The following DLGAP2 variants were observed in gnomAD, a reference collection of about 807,000 sequenced individuals.
The protein encoded by DLGAP2 is DLG associated protein 2, also known as disks large-associated protein 2.
In DLGAP2, 26 loss-of-function variants were observed where a neutral mutation model predicts 100.3. That is an observed-to-expected ratio of 0.26 (90% CI 0.19 to 0.36). The LOEUF (loss-of-function observed/expected upper bound fraction) is 0.36. Among genes scored for constraint, DLGAP2 ranks in the 10% least tolerant of loss-of-function variants. The pLI, the probability that DLGAP2 is intolerant of heterozygous loss-of-function variation, is 1.00. For missense variants in DLGAP2, 1,858 were observed against 1,453.2 expected (o/e 1.28, Z -4.53); for synonymous variants, 886 against 630.1 (o/e 1.41, Z -6.08).
At chr8:890,499 C>T (rs1036281219) in intron 1 of DLGAP2, among the ~76,000 whole-genome samples, 1 of 151,938 alleles carries the variant, frequency 6.6e-6, no homozygotes, top group Non-Finnish European at 1.5e-5. Context: ...CGTTCTTATT[C>T]CTCTGCTCCG....
rs566397557 is a variant in DLGAP2, at chr8:1,271,022, G to A, written c.106+12139G>A. ...TTTTAAATTTCAGAATTGTAATGAC[G>A]GATGACCCATTTCCTAATATTGCAA... On this transcript the variant is annotated intron_variant, in intron 3 of 14. Transcript: ENST00000637795. Among the ~76,000 whole-genome samples the A allele has an allele frequency of 7.2e-5, 11 of 152,174 alleles. No homozygotes were observed. The East Asian group carries it at 9.6e-4, about 13-fold the overall frequency.
intron 1 of DLGAP2, among the ~76,000 whole-genome samples, chr8:822,925 C>A (rs1769246154): frequency 6.6e-6 from 1 of 152,176 alleles, no homozygotes; most frequent in South Asian, 2.1e-4. Context: ...AGTTTACCTG[C>A]CCCAGTGCCA....
intron 2 of DLGAP2, among the ~76,000 whole-genome samples, chr8:1,107,174 G>A (rs1015303299): frequency 2.0e-5 from 3 of 152,214 alleles, no homozygotes; most frequent in African/African-American, 4.8e-5. Context: ...AGTGGAGAGA[G>A]CAGAGGCTTT....
At chr8:1,333,349 T>TG (rs771351110) in intron 3 of DLGAP2, among the ~76,000 whole-genome samples, 40 of 152,200 alleles carry the variant, frequency 2.6e-4, no homozygotes, top group Admixed American at 3.3e-4. Flanking sequence ...CTCCCTTCCC[T>TG]GGGGAGGAGG....
At chr8:1,362,460 T>C (rs1020276852) in intron 3 of DLGAP2, among the ~76,000 whole-genome samples, 2 of 152,182 alleles carry the variant, frequency 1.3e-5, no homozygotes, top group African/African-American at 4.8e-5. Context: ...GCGTGGTCCA[T>C]GTGCAGCCTC....
chr8:1,030,400 G>C (rs577492976), intron 2 of DLGAP2, among the ~76,000 whole-genome samples: 1 of 152,302 alleles, frequency 6.6e-6, no homozygotes, highest in South Asian at 2.1e-4. Flanking sequence ...CCAAGGCTTT[G>C]AAGCTCCAAG....
At chr8:1,308,792 T>G (rs1162720415) in intron 3 of DLGAP2, among the ~76,000 whole-genome samples, 1 of 152,248 alleles carries the variant, frequency 6.6e-6, no homozygotes, top group African/African-American at 2.4e-5. Context: ...CCCCAAGTGC[T>G]GGGATTACAG....
intron 1 of DLGAP2, among the ~76,000 whole-genome samples, chr8:773,409 C>T (rs1268586389): frequency 2.0e-5 from 3 of 151,582 alleles, no homozygotes; most frequent in Admixed American, 1.3e-4. Context: ...AGGTTAGTTA[C>T]ATATGTATAC....
chr8:919,361 G>C (rs950347376), intron 2 of DLGAP2, among the ~76,000 whole-genome samples: 1 of 152,164 alleles, frequency 6.6e-6, no homozygotes, highest in Non-Finnish European at 1.5e-5. Context: ...TGTGCTTTCT[G>C]ATGTTCTCAG....
intron 1 of DLGAP2, among the ~76,000 whole-genome samples, chr8:755,818 G>T (rs1356807238): frequency 6.6e-6 from 1 of 152,230 alleles, no homozygotes; most frequent in Non-Finnish European, 1.5e-5. Flanking sequence ...CTGGGTGTTG[G>T]CTGGGAAGCC....
At chr8:1,510,392 C>T (rs754174107) in intron 4 of DLGAP2, among the ~76,000 whole-genome samples, 9 of 152,118 alleles carry the variant, frequency 5.9e-5, no homozygotes, top group Non-Finnish European at 1.2e-4. Context: ...GCGTGACGAA[C>T]GTATTGTTGC....
At chr8:979,624 C>G (rs920781712) in intron 2 of DLGAP2, among the ~76,000 whole-genome samples, 1 of 152,228 alleles carries the variant, frequency 6.6e-6, no homozygotes, top group African/African-American at 2.4e-5. Context: ...GGTGATCCTA[C>G]TTTGAAATGA....
intron 2 of DLGAP2, among the ~76,000 whole-genome samples, chr8:1,155,715 C>G (rs1563219503): frequency 1.3e-5 from 2 of 151,866 alleles, no homozygotes; most frequent in East Asian, 3.9e-4. Context: ...GCGCTTCTCA[C>G]TTCCCCGTCC....
intron 5 of DLGAP2, among the ~76,000 whole-genome samples, chr8:1,562,534 G>GC (rs1343337406): frequency 7.3e-5 from 4 of 54,664 alleles, no homozygotes; most frequent in Non-Finnish European, 1.5e-4. Flanking sequence ...CCTCGTTACT[G>GC]GGGGACTGTG....
At chr8:935,464 A>G (rs1799049692) in intron 2 of DLGAP2, among the ~76,000 whole-genome samples, 1 of 152,196 alleles carries the variant, frequency 6.6e-6, no homozygotes, top group Non-Finnish European at 1.5e-5. Context: ...TGTGGAAGTG[A>G]TATTTTGCAT....
rs1216517592 is a variant in DLGAP2 at position 1,351,831 on chromosome 8, C to A, written c.106+92948C>A. Among the ~76,000 whole-genome samples the A allele has an allele frequency of 2.2e-5, 2 of 90,080 alleles. 1 individual carries two copies. The highest frequency in any genetic ancestry group is 7.6e-5 in the African/African-American group (2 of 26,164). The allele number at this position is 90,080 out of a possible 152,430, so 59.1% of individuals were successfully genotyped here. On this transcript the variant is annotated intron_variant, in intron 3 of 14. Transcript: ENST00000637795. The stretch of plus-strand genomic sequence containing the variant: ...GCGTCCTGCGTGTGGCGTGGAAAGG[C>A]CATGCGGGTCCTGAGTGTGCGTGGA...
intron 4 of DLGAP2, among the ~76,000 whole-genome samples, chr8:1,509,481 T>A (rs527435034): frequency 2.6e-5 from 4 of 152,154 alleles, no homozygotes; most frequent in Non-Finnish European, 4.4e-5. Context: ...TGGAATATAA[T>A]CCAAAAAGTT....
chr8:1,437,150 C>T (rs1221830783), intron 3 of DLGAP2, among the ~76,000 whole-genome samples: 1 of 149,522 alleles, frequency 6.7e-6, no homozygotes, highest in African/African-American at 2.5e-5. Context: ...TCCGGGTCTG[C>T]GTTCAGCGCA....
chr8:1,477,055 C>T (rs549029561), intron 3 of DLGAP2, among the ~76,000 whole-genome samples: 1 of 142,836 alleles, frequency 7.0e-6, no homozygotes, highest in African/African-American at 2.4e-5. Flanking sequence ...CAGAGCAAAG[C>T]CTCCACCGCA....
Sources: allele counts gnomAD v4.1 joint callset (sites outside exome capture counted in the v4.1 genomes callset), GRCh38; gene constraint gnomAD v4.1.1; transcripts MANE v1.5; gene names NCBI Gene and HGNC (gene_info 2026-07-23, HGNC 2026-07-21).